BMPR1A: variants seen among roughly 807,000 people sequenced by gnomAD.
BMPR1A encodes bone morphogenetic protein receptor type 1A, also known as bone morphogenetic protein receptor type-1A.
Under a neutral mutation model 66.0 loss-of-function variants are expected in BMPR1A, and 7 were observed. The ratio of observed to expected loss-of-function variants is 0.11; its 90% CI spans 0.06 to 0.20. BMPR1A has a LOEUF of 0.20. Ranked by LOEUF, BMPR1A falls within the 10% of genes least tolerant of loss-of-function variation. The pLI, the probability that BMPR1A is intolerant of heterozygous loss-of-function variation, is 1.00. For missense variants in BMPR1A, 408 were observed against 669.1 expected (o/e 0.61, Z 4.31); for synonymous variants, 200 against 229.7 (o/e 0.87, Z 1.17).
At chr10:86,874,609 AT>A (rs1360106021) in intron 2 of BMPR1A, among the ~76,000 whole-genome samples, 1 of 147,396 alleles carries the variant, frequency 6.8e-6, no homozygotes, top group Non-Finnish European at 1.5e-5. Context: ...GGGTTTCACT[AT>A]GTTAGCCTGG....
At chr10:86,790,162 C>A (rs1265133607) in intron 1 of BMPR1A, among the ~76,000 whole-genome samples, 10 of 7,222 alleles carry the variant, frequency 1.4e-3, no homozygotes, top group Admixed American at 4.2e-3. Context: ...ACTCTGTCTC[C>A]AAAAAAAAAA....
chr10:86,857,264 G>C (rs1842655192), intron 2 of BMPR1A, among the ~76,000 whole-genome samples: 1 of 152,070 alleles, frequency 6.6e-6, no homozygotes, highest in Non-Finnish European at 1.5e-5. Context: ...CCCCCATTCT[G>C]AGTCAATTGT....
At chr10:86,797,608 C>G (rs967565775) in intron 1 of BMPR1A, among the ~76,000 whole-genome samples, 1 of 152,048 alleles carries the variant, frequency 6.6e-6, no homozygotes, top group African/African-American at 2.4e-5. Context: ...TCAAGTGATC[C>G]GCCCACCTCA....
chr10:86,813,090 A>G (rs928149503), intron 1 of BMPR1A, among the ~76,000 whole-genome samples: 9 of 152,158 alleles, frequency 5.9e-5, no homozygotes, highest in Admixed American at 1.3e-4. Flanking sequence ...TTGGTTCCCT[A>G]TCTTCTCTGA....
At position 86,925,195 on chromosome 10, in the gene BMPR1A, G is replaced by A. The variant is rs1217416531; in HGVS notation, c.*1476G>A. The A allele has an allele frequency of 1.3e-5, 3 of 230,160 alleles. No homozygotes were observed. The East Asian group carries it at 1.9e-4, about 14-fold the overall frequency. The allele number at this position is 230,160 out of a possible 1,614,324, so 14.3% of individuals were successfully genotyped here. On this transcript the variant is annotated 3_prime_UTR_variant, in exon 13 of 13. Coordinates refer to ENST00000372037, the MANE Select transcript of BMPR1A (RefSeq NM_004329.3). ...ATGGTTCATATTTTATAGATGCCTT[G>A]TTATCTCAAGAAATCTGATTTACAT...
At chr10:86,800,512 C>T (rs967126613) in intron 1 of BMPR1A, among the ~76,000 whole-genome samples, 3 of 152,210 alleles carry the variant, frequency 2.0e-5, no homozygotes, top group African/African-American at 7.2e-5. Context: ...CTGCCTCAGT[C>T]TCCCAAGTAG....
intron 1 of BMPR1A, among the ~76,000 whole-genome samples, chr10:86,829,629 A>G (rs1422393742): frequency 6.6e-6 from 1 of 152,186 alleles, no homozygotes; most frequent in African/African-American, 2.4e-5. Context: ...TTTCATCTCT[A>G]TGATGTTGAC....
At chr10:86,851,471 T>A (rs1187888293) in intron 2 of BMPR1A, among the ~76,000 whole-genome samples, 1 of 152,184 alleles carries the variant, frequency 6.6e-6, no homozygotes, top group Non-Finnish European at 1.5e-5. Context: ...TATTTACCGT[T>A]GGATAGTCAC....
At chr10:86,932,796 C>G (rs754139519), downstream of BMPR1A, 7 of 152,224 alleles carry the variant, frequency 4.6e-5, no homozygotes, top group African/African-American at 1.7e-4. Flanking sequence ...GCTATGTAGC[C>G]TCTTCACACT....
chr10:86,917,240 A>G lies in BMPR1A; in HGVS notation c.782A>G (p.Lys261Arg). The change falls in exon 9 of 13, where the codon AAA becomes AGA. Residue 261 changes from lysine (K) to arginine (R), a missense_variant. Transcript: ENST00000372037. ...GKWRGEKVAVKVFFTTEEASW... is the reference protein window; with the variant it reads ...GKWRGEKVAVRVFFTTEEASW... ...TGGCGTGGCGAAAAAGTGGCGGTGA[A>G]AGTATTCTTTACCACTGAAGAAGCC... 1 of 1,613,960 alleles carries G rather than the reference A, an allele frequency of 6.2e-7. No individual in the cohort carries two copies. Among genetic ancestry groups the G allele is most frequent in the Middle Eastern group, 1.6e-4 (1 of 6,062 alleles).
chr10:86,778,353 A>G (rs1408725035), intron 1 of BMPR1A, among the ~76,000 whole-genome samples: 1 of 151,968 alleles, frequency 6.6e-6, no homozygotes, highest in Admixed American at 6.6e-5. Flanking sequence ...CATGTTGTCC[A>G]GGCCATTCCC....
At chr10:86,820,336 C>T (rs965856786) in intron 1 of BMPR1A, among the ~76,000 whole-genome samples, 2 of 152,008 alleles carry the variant, frequency 1.3e-5, no homozygotes, top group Admixed American at 6.6e-5. Context: ...AGCCACTGCA[C>T]CCAGAATCAC....
intron 5 of BMPR1A, among the ~76,000 whole-genome samples, 158 bp downstream of exon 5, chr10:86,892,387 T>G (rs1843165224): frequency 6.6e-6 from 1 of 152,196 alleles, no homozygotes; most frequent in Admixed American, 6.5e-5. Context: ...TGTCCTGTAT[T>G]CATATGTAGA....
chr10:86,914,005 G>A (rs770087367), intron 8 of BMPR1A, among the ~76,000 whole-genome samples: 4 of 151,930 alleles, frequency 2.6e-5, no homozygotes, highest in Non-Finnish European at 5.9e-5. Flanking sequence ...TGGACTTACC[G>A]TAAAACTCAA....
intron 1 of BMPR1A, among the ~76,000 whole-genome samples, chr10:86,836,315 A>T (rs1842346484): frequency 7.3e-6 from 1 of 137,656 alleles, no homozygotes; most frequent in Non-Finnish European, 1.6e-5. Context: ...ACCTTTATTC[A>T]CACAACTTCC....
At chr10:86,817,641 TACTAAG>T (rs1259419834) in intron 1 of BMPR1A, among the ~76,000 whole-genome samples, 2 of 152,086 alleles carry the variant, frequency 1.3e-5, no homozygotes, top group African/African-American at 4.8e-5. Context: ...ACACAAAACC[TACTAAG>T]ACTAAATAAT....
At chr10:86,904,285 C>T (rs1843353718) in intron 7 of BMPR1A, among the ~76,000 whole-genome samples, 1 of 152,092 alleles carries the variant, frequency 6.6e-6, no homozygotes, top group Non-Finnish European at 1.5e-5. Context: ...AAGAAAACTA[C>T]ATTAAGGCAC....
chr10:86,820,368 A>G (rs564918786), intron 1 of BMPR1A, among the ~76,000 whole-genome samples: 8 of 149,822 alleles, frequency 5.3e-5, no homozygotes, highest in African/African-American at 2.0e-4. Flanking sequence ...TTGGAAGATG[A>G]CATCTTTTTT....
At chr10:86,891,484 T>G (rs1180235787) in intron 4 of BMPR1A, among the ~76,000 whole-genome samples, 2 of 152,186 alleles carry the variant, frequency 1.3e-5, no homozygotes, top group East Asian at 1.9e-4. Flanking sequence ...CAGAAAAAGC[T>G]TTTAGAAATT....
Sources: gnomAD v4.1 joint callset for allele counts (sites outside exome capture counted in the v4.1 genomes callset) on GRCh38, gnomAD v4.1.1 for gene constraint, MANE v1.5 for transcripts, NCBI Gene and HGNC (gene_info 2026-07-23, HGNC 2026-07-21) for gene names.